The following CSMD1 variants were observed in gnomAD, a reference collection of about 807,000 sequenced individuals.
The protein encoded by CSMD1 is CUB and Sushi multiple domains 1.
In CSMD1, 213 loss-of-function variants were observed where a neutral mutation model predicts 417.5. That is an observed-to-expected ratio of 0.51 (90% CI 0.46 to 0.57). The LOEUF is 0.57. CSMD1 is among the 20% of genes least tolerant of loss of function. The probability of loss-of-function intolerance (pLI) is 0.00; values close to 1 mark genes in which losing one functional copy is unlikely to be tolerated. For synonymous variants in CSMD1, 2,862 were observed against 1,736.8 expected, an observed-to-expected ratio of 1.65 and a Z score of -16.11; for missense variants, 6,923 against 4,529.7, an observed-to-expected ratio of 1.53 and a Z score of -15.17.
intron 3 of CSMD1, among the ~76,000 whole-genome samples, chr8:4,356,958 T>C (rs956618515): frequency 7.2e-5 from 11 of 152,230 alleles, no homozygotes; most frequent in African/African-American, 2.4e-4. Flanking sequence ...TAATAGCAAC[T>C]GAAAGACTTT....
chr8:4,468,609 T>C (rs1034509119), intron 2 of CSMD1, among the ~76,000 whole-genome samples: 5 of 152,184 alleles, frequency 3.3e-5, no homozygotes, highest in Non-Finnish European at 7.3e-5. Flanking sequence ...TTTTCAAGAT[T>C]CAATTTGAAC....
At chr8:3,227,881 C>T (rs1798609308) in intron 27 of CSMD1, among the ~76,000 whole-genome samples, 1 of 151,674 alleles carries the variant, frequency 6.6e-6, no homozygotes, top group Non-Finnish European at 1.5e-5. Context: ...GATTCTCGTG[C>T]CTCAGCCTCC....
chr8:3,457,379 A>C (rs1816219705), intron 12 of CSMD1, among the ~76,000 whole-genome samples: 1 of 152,184 alleles, frequency 6.6e-6, no homozygotes, highest in Non-Finnish European at 1.5e-5. Context: ...TCTCATTCTC[A>C]GTCTCAGATG....
In CSMD1 at chr8:4,250,441, C is replaced by G. The variant is rs566766716; in HGVS notation, c.415+169512G>C. ...TAGCCACTGCTCCCTGGGGAACATG[C>G]GTAATACATGAGTGATATTTGGGTC... On this transcript the variant is annotated intron_variant, in intron 3 of 69. Transcript: ENST00000635120. 1.5e-4 allele frequency among the ~76,000 whole-genome samples: 23 copies of G among 152,088 alleles called. No individual in the cohort carries two copies. In the South Asian group the frequency reaches 4.8e-3, roughly 32 times the overall value.
chr8:4,622,342 G>C (rs954716289), intron 2 of CSMD1, among the ~76,000 whole-genome samples: 4 of 152,064 alleles, frequency 2.6e-5, no homozygotes, highest in African/African-American at 7.2e-5. Context: ...TGCATGCTGA[G>C]GCTCAACACT....
At chr8:4,091,632 T>C (rs866521257) in intron 3 of CSMD1, among the ~76,000 whole-genome samples, 9 of 152,064 alleles carry the variant, frequency 5.9e-5, no homozygotes, top group South Asian at 2.1e-4. Flanking sequence ...ACAATTCCAA[T>C]AAAGAGCCCC....
chr8:4,083,685 T>C (rs933490865), intron 3 of CSMD1, among the ~76,000 whole-genome samples: 2 of 152,026 alleles, frequency 1.3e-5, no homozygotes, highest in African/African-American at 2.4e-5. Flanking sequence ...TATACAAAAA[T>C]CAATTCAAGA....
Position 4,224,785 on chromosome 8 carries a change from T to C in CSMD1, c.416-192686A>G, listed in dbSNP as rs376559680. Among the ~76,000 whole-genome samples the C allele has an allele frequency of 1.7e-3, 259 of 152,294 alleles. 3 individuals are homozygous for C. Among genetic ancestry groups the C allele is most frequent in the African/African-American group, 5.9e-3 (247 of 41,566 alleles). On this transcript the variant is annotated intron_variant, in intron 3 of 69. Coordinates refer to ENST00000635120, the MANE Select transcript of CSMD1 (RefSeq NM_033225.6). ...CCTGTAGTACTCAAAACTCTTAAAATGTTAAAATGTGTGTTCATAATATTC... is the reference window on the plus strand; with the variant it reads ...CCTGTAGTACTCAAAACTCTTAAAACGTTAAAATGTGTGTTCATAATATTC...
intron 3 of CSMD1, among the ~76,000 whole-genome samples, chr8:4,139,425 A>AGAGCTCCGCCAGCACTGCCTGTCCATCC (rs1803640465): frequency 6.6e-6 from 1 of 151,468 alleles, no homozygotes; most frequent in African/African-American, 2.5e-5. Context: ...ACTGGAGGTA[A>AGAGCTCCGCCAGCACTGCCTGTCCATCC]AGAACGAAGG....
chr8:4,667,040 A>G (rs1804981838), intron 1 of CSMD1, among the ~76,000 whole-genome samples: 1 of 152,192 alleles, frequency 6.6e-6, no homozygotes, highest in African/African-American at 2.4e-5. Context: ...AATGTGAGAT[A>G]TAAGTAAATT....
intron 3 of CSMD1, among the ~76,000 whole-genome samples, chr8:4,097,350 T>C (rs1801068521): frequency 6.6e-6 from 1 of 152,198 alleles, no homozygotes; most frequent in Admixed American, 6.6e-5. Flanking sequence ...CTTTATAAAA[T>C]GTGTAAAAGA....
intron 3 of CSMD1, among the ~76,000 whole-genome samples, chr8:4,197,340 C>T (rs1028368316): frequency 5.9e-5 from 9 of 152,124 alleles, no homozygotes; most frequent in African/African-American, 1.9e-4. Context: ...ATAGGATGCC[C>T]AGATATTTGG....
At chr8:3,733,107 A>G (rs1026627714) in intron 6 of CSMD1, among the ~76,000 whole-genome samples, 6 of 151,640 alleles carry the variant, frequency 4.0e-5, no homozygotes, top group African/African-American at 1.5e-4. Context: ...AACAGAGGCT[A>G]AAGTGGAAAA....
chr8:3,371,921 A>G (rs1388757704), intron 18 of CSMD1, among the ~76,000 whole-genome samples: 1 of 152,220 alleles, frequency 6.6e-6, no homozygotes, highest in African/African-American at 2.4e-5. Flanking sequence ...GTATTCAACA[A>G]ATCGTTATTG....
intron 1 of CSMD1, among the ~76,000 whole-genome samples, chr8:4,716,405 T>G (rs1453855399): frequency 2.0e-5 from 3 of 152,184 alleles, no homozygotes; most frequent in Non-Finnish European, 4.4e-5. Flanking sequence ...GGATGGGACT[T>G]TTTCATAAAT....
intron 1 of CSMD1, among the ~76,000 whole-genome samples, chr8:4,718,904 A>G (rs1808861806): frequency 6.6e-6 from 1 of 152,186 alleles, no homozygotes; most frequent in Non-Finnish European, 1.5e-5. Context: ...ACTCTATGAC[A>G]TTGTATTAAA....
chr8:3,732,050 A>AC (rs1218136781), intron 6 of CSMD1, among the ~76,000 whole-genome samples: 1 of 151,932 alleles, frequency 6.6e-6, no homozygotes, highest in Non-Finnish European at 1.5e-5. Context: ...AGACAAAAAA[A>AC]ATGCTCCATT....
At chr8:4,437,675 T>C (rs968962628) in intron 2 of CSMD1, among the ~76,000 whole-genome samples, 2 of 152,208 alleles carry the variant, frequency 1.3e-5, no homozygotes, top group African/African-American at 4.8e-5. Flanking sequence ...TTTAACCTAA[T>C]ATTTATAAGA....
At chr8:4,183,574 G>C (rs113300549) in intron 3 of CSMD1, among the ~76,000 whole-genome samples, 23 of 152,168 alleles carry the variant, frequency 1.5e-4, no homozygotes, top group African/African-American at 4.3e-4. Flanking sequence ...TTTAAAATTT[G>C]AACTTAAGTA....
Sources: allele counts gnomAD v4.1 joint callset (sites outside exome capture counted in the v4.1 genomes callset), GRCh38; gene constraint gnomAD v4.1.1; transcripts MANE v1.5; gene names NCBI Gene and HGNC (gene_info 2026-07-23, HGNC 2026-07-21).